TAF4B: variants seen among roughly 807,000 people sequenced by gnomAD.
TAF4B encodes the protein TATA-box binding protein associated factor 4b.
Under a neutral mutation model 86.4 loss-of-function variants are expected in TAF4B, and 38 were observed. The observed-to-expected ratio is 0.44, with a 90% CI of 0.34 to 0.58. TAF4B has a LOEUF of 0.58. TAF4B is among the 20% of genes least tolerant of loss of function. The probability of loss-of-function intolerance (pLI) is 0.02; values close to 1 mark genes in which losing one functional copy is unlikely to be tolerated. For missense variants in TAF4B, 988 were observed against 1,027.6 expected, an observed-to-expected ratio of 0.96 and a Z score of 0.53; for synonymous variants, 388 against 391.2, an observed-to-expected ratio of 0.99 and a Z score of 0.10.
intron 1 of TAF4B, among the ~76,000 whole-genome samples, chr18:26,234,872 C>T (rs982237681): frequency 5.3e-5 from 8 of 152,202 alleles, no homozygotes; most frequent in African/African-American, 1.4e-4. Context: ...TCCTTTGGCA[C>T]GTAGTGTGCC....
chr18:26,303,094 TCCCTCCACTTTCATACC>T (rs1568140095), intron 9 of TAF4B, among the ~76,000 whole-genome samples: 3 of 27,184 alleles, frequency 1.1e-4, no homozygotes, highest in Non-Finnish European at 2.2e-4. Context: ...ACTTTCATAC[TCCCTCCACTTTCATACC>T]CCCTCCACTT....
intron 13 of TAF4B, among the ~76,000 whole-genome samples, chr18:26,335,717 C>T (rs1424554661): frequency 6.6e-6 from 1 of 152,174 alleles, no homozygotes; most frequent in Non-Finnish European, 1.5e-5. Flanking sequence ...CCTTGTTTCA[C>T]ACAGTTCATG....
Position 26,227,181 on chromosome 18 carries a change from G to T in TAF4B, c.248G>T (p.Ser83Ile). 1 of 1,614,116 alleles carries T rather than the reference G, an allele frequency of 6.2e-7. No individual in the cohort carries two copies. Among genetic ancestry groups the T allele is most frequent in the Non-Finnish European group, 8.5e-7 (1 of 1,180,016 alleles). The change falls in exon 1 of 15, where the codon AGC (serine) becomes ATC (isoleucine). Residue 83 changes from serine (S) to isoleucine (I), a missense_variant. Physicochemically the swap from Ser to Ile is moderately radical, Grantham distance 142. Around this residue, in one of 3 missense-constraint regions of TAF4B, gnomAD observed 747 missense variants for 737.9 expected, o/e 1.01. Transcript: ENST00000269142. The part of the protein sequence containing the change: ...VAPVSAPPKV[S>I]SGPRLPAPQI... ...CCGGTCAGCGCCCCTCCTAAAGTCA[G>T]CAGCGGCCCTAGGCTGCCTGCTCCT...
chr18:26,279,689 C>T (rs546599272), intron 5 of TAF4B, among the ~76,000 whole-genome samples: 3 of 152,134 alleles, frequency 2.0e-5, no homozygotes, highest in East Asian at 1.9e-4. Flanking sequence ...GAATAGAGAA[C>T]CCAGAAATAA....
chr18:26,231,034 C>CTTTTTTTTTTTTTTTTT (rs536863843), intron 1 of TAF4B, among the ~76,000 whole-genome samples: 4 of 66,164 alleles, frequency 6.0e-5, no homozygotes, highest in South Asian at 5.9e-4. Flanking sequence ...TGTTGTTTTG[C>CTTTTTTTTTTTTTTTTT]TTTTTTTTTT....
intron 1 of TAF4B, among the ~76,000 whole-genome samples, chr18:26,255,029 T>C (rs919903021): frequency 6.6e-6 from 1 of 152,088 alleles, no homozygotes; most frequent in African/African-American, 2.4e-5. Flanking sequence ...ACAAACTTAC[T>C]ATCATGAGGG....
At chr18:26,274,513 T>A in intron 3 of TAF4B, 150 bp from the exon 4 acceptor site, 1 of 774,850 alleles carries the variant, frequency 1.3e-6, no homozygotes, top group East Asian at 2.7e-5. Context: ...ACTCAAGAGT[T>A]CCTAGAACTG....
At chr18:26,256,038 T>A (rs2056079154) in intron 1 of TAF4B, 1 of 1,270,646 alleles carries the variant, frequency 7.9e-7, no homozygotes, top group Non-Finnish European at 1.2e-6. Flanking sequence ...AGTTTACTGA[T>A]ATGGTTGCTC....
rs1202008455 is a variant in TAF4B, at chr18:26,346,759, G to GTGTATATATATATATATA, written c.2317-10930_2317-10929insGTATATATATATATATAT. ...CAAGAATATATATATATATATGTGTGTATATATATATATATGTGTGTGTAT... is the reference window on the plus strand; with the variant it reads ...CAAGAATATATATATATATATGTGTGTGTATATATATATATATATATATATATATATATGTGTGTGTAT... On this transcript the variant is annotated intron_variant, in intron 13 of 14. Transcript: ENST00000269142. Among the ~76,000 whole-genome samples, 152 of 27,110 alleles carry GTGTATATATATATATATA rather than the reference G, an allele frequency of 5.6e-3. 29 individuals carry two copies. The highest frequency in any genetic ancestry group is 0.031 in the East Asian group (16 of 512). The allele number at this position is 27,110 out of a possible 152,430, so 17.8% of individuals were successfully genotyped here.
intron 13 of TAF4B, among the ~76,000 whole-genome samples, chr18:26,347,344 A>T (rs1323840047): frequency 6.6e-6 from 1 of 152,176 alleles, no homozygotes; most frequent in Non-Finnish European, 1.5e-5. Context: ...TACTCAAGGG[A>T]GTTTTACATT....
chr18:26,387,312 G>A (rs771966089), intron 14 of TAF4B, among the ~76,000 whole-genome samples: 10 of 152,040 alleles, frequency 6.6e-5, no homozygotes, highest in Non-Finnish European at 1.3e-4. Context: ...CAAGCGATTT[G>A]CTTGCCTTGG....
intron 9 of TAF4B, among the ~76,000 whole-genome samples, chr18:26,304,032 T>A (rs1259097104): frequency 6.6e-6 from 1 of 152,106 alleles, no homozygotes; most frequent in Admixed American, 6.6e-5. Context: ...GCCTTTTCTT[T>A]TACTAGCATA....
rs540074887 is a variant in TAF4B, at chr18:26,375,157, C to T, written c.2422-14688C>T. Among the ~76,000 whole-genome samples, 15 of 152,226 alleles carry T rather than the reference C, an allele frequency of 9.9e-5. No homozygotes were observed. In the East Asian group the frequency reaches 1.2e-3, roughly 12 times the overall value. ...CACCTATTCTAGGCATTCATACAAA[C>T]GGAATCGTACAACATGTGGCCTTTT... is the stretch of plus-strand genomic sequence containing the variant. On this transcript the variant is annotated intron_variant, in intron 14 of 14. Transcript: ENST00000269142.
chr18:26,346,871 A>ATG lies in TAF4B; in HGVS notation c.2317-10818_2317-10817insGT, dbSNP rs1567914139. Among the ~76,000 whole-genome samples, 33 of 5,200 alleles carry ATG rather than the reference A, an allele frequency of 6.3e-3. 5 individuals carry two copies. The highest frequency in any genetic ancestry group is 0.25 in the Middle Eastern group (2 of 8). 3.4% of individuals were successfully genotyped at this position (5,200 alleles called of 152,430 possible). A position where few individuals can be genotyped will look rare whatever the true frequency, so the allele number is the denominator to read the frequency against. On this transcript the variant is annotated intron_variant, in intron 13 of 14. Transcript: ENST00000269142. ...TATATATATATATGTGTATATATAT[A>ATG]TATGTGTATATATATATATATATAT...
At chr18:26,251,111 G>T (rs1015014439) in intron 1 of TAF4B, among the ~76,000 whole-genome samples, 3 of 152,176 alleles carry the variant, frequency 2.0e-5, no homozygotes, top group Non-Finnish European at 4.4e-5. Flanking sequence ...CTATGGAAAT[G>T]AGAGTGGGCT....
chr18:26,361,194 T>G (rs1471270270), intron 14 of TAF4B, among the ~76,000 whole-genome samples: 1 of 152,050 alleles, frequency 6.6e-6, no homozygotes, highest in Non-Finnish European at 1.5e-5. Context: ...CTATACCCGG[T>G]AAACAATTCT....
chr18:26,261,569 A>G (rs2056168257), intron 1 of TAF4B, among the ~76,000 whole-genome samples: 1 of 152,182 alleles, frequency 6.6e-6, no homozygotes, highest in Admixed American at 6.5e-5. Context: ...TTATGCTGGT[A>G]TCACAGCTGG....
chr18:26,288,060 G>C (rs1206846109), intron 7 of TAF4B, among the ~76,000 whole-genome samples: 1 of 152,162 alleles, frequency 6.6e-6, no homozygotes, highest in African/African-American at 2.4e-5. Context: ...GGGCAGCCAG[G>C]TTTGAGAACC....
In TAF4B at chr18:26,304,751, T is replaced by G. The variant is rs905769937; in HGVS notation, c.1833-10478T>G. 6.1e-6 allele frequency: 6 copies of G among 985,332 alleles called. No homozygotes were observed. In the African/African-American group the frequency reaches 7.0e-5, roughly 11 times the overall value. 61.0% of individuals were successfully genotyped at this position (985,332 alleles called of 1,614,324 possible). On this transcript the variant is annotated intron_variant, in intron 9 of 14. Transcript: ENST00000269142. The stretch of plus-strand genomic sequence containing the variant: ...GGATATGCTTATTGCTGATTTTTAC[T>G]GACACCTTTTTTTTAACAGGTCCTG...
Sources: gnomAD v4.1 joint callset for allele counts (sites outside exome capture counted in the v4.1 genomes callset) on GRCh38, gnomAD v4.1.1 for gene constraint, gnomAD v4.1.1 regional missense constraint, MANE v1.5 for transcripts, NCBI Gene and HGNC (gene_info 2026-07-23, HGNC 2026-07-21) for gene names.